Variants in TACR1 observed in about 807,000 individuals in gnomAD.
TACR1 encodes the protein tachykinin receptor 1, also known as substance-P receptor.
A neutral mutation model predicts 35.8 loss-of-function variants in TACR1; 25 were observed. The observed-to-expected ratio is 0.70, with a 90% CI of 0.51 to 0.98. The LOEUF (loss-of-function observed/expected upper bound fraction) is 0.98, where lower values mean the gene tolerates loss of function less well. TACR1 is among the 50% of genes least tolerant of loss of function. TACR1 has a pLI of 0.00. For missense variants in TACR1, 478 were observed against 522.9 expected, an observed-to-expected ratio of 0.91 and a Z score of 0.84; for synonymous variants, 195 against 206.7, an observed-to-expected ratio of 0.94 and a Z score of 0.48.
chr2:75,196,497 G>A (rs1443654971), intron 1 of TACR1, among the ~76,000 whole-genome samples: 4 of 152,100 alleles, frequency 2.6e-5, no homozygotes, highest in Non-Finnish European at 4.4e-5. Context: ...ATTCCCTGTC[G>A]CTGTCATTTC....
chr2:75,149,230 T>A (rs1353589655), intron 1 of TACR1, among the ~76,000 whole-genome samples: 1 of 152,180 alleles, frequency 6.6e-6, no homozygotes, highest in Non-Finnish European at 1.5e-5. Context: ...ACGGGCTCTT[T>A]TTTGGTTCCA....
At chr2:75,071,183 A>T (rs1002378975) in intron 2 of TACR1, among the ~76,000 whole-genome samples, 10 of 151,846 alleles carry the variant, frequency 6.6e-5, no homozygotes, top group South Asian at 2.1e-4. Flanking sequence ...GCCTCTTAGA[A>T]AAATGTGTTG....
At chr2:75,156,396 A>T (rs1312407888) in intron 1 of TACR1, 11 of 150,958 alleles carry the variant, frequency 7.3e-5, no homozygotes, top group African/African-American at 2.7e-4. Flanking sequence ...CGGGCGGATC[A>T]CAAGGTCAGG....
chr2:75,166,266 A>C (rs1675141163), intron 1 of TACR1, among the ~76,000 whole-genome samples: 1 of 152,220 alleles, frequency 6.6e-6, no homozygotes, highest in African/African-American at 2.4e-5. Flanking sequence ...TTTTTGATAA[A>C]ATCTCAGAAA....
At chr2:75,166,998 AT>A (rs1174124042) in intron 1 of TACR1, among the ~76,000 whole-genome samples, 2 of 152,220 alleles carry the variant, frequency 1.3e-5, no homozygotes, top group Non-Finnish European at 2.9e-5. Context: ...CAAACATTGG[AT>A]TTTTAAAAAA....
chr2:75,057,179 T>C (rs1672585487), intron 2 of TACR1, among the ~76,000 whole-genome samples: 1 of 152,144 alleles, frequency 6.6e-6, no homozygotes, highest in African/African-American at 2.4e-5. Context: ...GAAGTGAAAA[T>C]GGTCTGTTCC....
At chr2:75,177,791 AT>A (rs770178700) in intron 1 of TACR1, among the ~76,000 whole-genome samples, 1 of 152,116 alleles carries the variant, frequency 6.6e-6, no homozygotes, top group Non-Finnish European at 1.5e-5. Context: ...ATGTTGACTG[AT>A]TTCTAAATTC....
chr2:75,074,058 G>A (rs1402787467), intron 2 of TACR1, among the ~76,000 whole-genome samples: 1 of 152,106 alleles, frequency 6.6e-6, no homozygotes, highest in Non-Finnish European at 1.5e-5. Context: ...CTGAGATAAA[G>A]CATACATACC....
At position 75,100,296 on chromosome 2, in the gene TACR1, A is replaced by C. The variant is rs558841886; in HGVS notation, c.584+20278T>G. 3.0e-3 allele frequency among the ~76,000 whole-genome samples: 463 copies of C among 152,388 alleles called. 2 individuals are homozygous for C. Among genetic ancestry groups the C allele is most frequent in the Middle Eastern group, 0.017 (5 of 294 alleles). On this transcript the variant is annotated intron_variant, in intron 2 of 4. Transcript: ENST00000305249. ...AGATGATGCATGCAAAGTTCTTGGC[A>C]GAGTGCCTGGAACATCATAGGTGCA...
At chr2:75,077,715 C>T (rs1236459870) in intron 2 of TACR1, among the ~76,000 whole-genome samples, 1 of 152,110 alleles carries the variant, frequency 6.6e-6, no homozygotes, top group African/African-American at 2.4e-5. Context: ...ACAGACCAGC[C>T]CTCCTGTCTT....
intron 1 of TACR1, among the ~76,000 whole-genome samples, chr2:75,164,853 C>G (rs1675101668): frequency 3.9e-5 from 6 of 152,200 alleles, no homozygotes; most frequent in Admixed American, 3.9e-4. Flanking sequence ...TGCTCAGTCC[C>G]AAGTTCCATT....
chr2:75,112,385 G>T (rs1673768983), intron 2 of TACR1, among the ~76,000 whole-genome samples: 1 of 151,860 alleles, frequency 6.6e-6, no homozygotes, highest in Non-Finnish European at 1.5e-5. Flanking sequence ...TTATCAAACT[G>T]CCTAAACGTA....
intron 1 of TACR1, among the ~76,000 whole-genome samples, chr2:75,195,173 A>C (rs1024676283): frequency 6.6e-6 from 1 of 152,194 alleles, no homozygotes; most frequent in South Asian, 2.1e-4. Flanking sequence ...GAAATTATAG[A>C]GTTTCAATAG....
At position 75,078,908 on chromosome 2, in the gene TACR1, A is replaced by G. The variant is rs561181962; in HGVS notation, c.585-25153T>C. 6.6e-4 allele frequency among the ~76,000 whole-genome samples: 100 copies of G among 152,300 alleles called. 1 individual carries two copies. Among genetic ancestry groups the G allele is most frequent in the African/African-American group, 2.3e-3 (95 of 41,570 alleles). On this transcript the variant is annotated intron_variant, in intron 2 of 4. Transcript: ENST00000305249. ...TCCTACTCACTCTCCATCTAGTCACAAATCCTGAAGAGTCTCAGTATTTTA... is the reference window on the plus strand; with the variant it reads ...TCCTACTCACTCTCCATCTAGTCACGAATCCTGAAGAGTCTCAGTATTTTA...
chr2:75,198,609 T>C lies in TACR1; in HGVS notation c.326A>G (p.Asn109Ser), dbSNP rs1485777217. Residue 109 changes from asparagine (N) to serine (S), a missense_variant, in exon 1 of 5, where the codon AAC becomes AGC. Asn to Ser is a conservative substitution (Grantham distance 46, BLOSUM62 1). Transcript: ENST00000305249. ...YYGLFYCKFHNFFPIAAVFAS... is the reference protein window; with the variant it reads ...YYGLFYCKFHSFFPIAAVFAS... The stretch of plus-strand genomic sequence containing the variant: ...GAAGACAGCGGCGATGGGAAAGAAG[T>C]TGTGGAACTTGCAGTAGAACAGGCC... The C allele has an allele frequency of 3.7e-6, 6 of 1,614,154 alleles. No individual in the cohort carries two copies. The highest frequency in any genetic ancestry group is 4.2e-6 in the Non-Finnish European group (5 of 1,180,028).
At chr2:75,080,757 C>A (rs1241407211) in intron 2 of TACR1, among the ~76,000 whole-genome samples, 1 of 152,130 alleles carries the variant, frequency 6.6e-6, no homozygotes, top group Non-Finnish European at 1.5e-5. Flanking sequence ...ATAGAAATAA[C>A]TGGTGTGAAA....
chr2:75,057,991 A>C (rs367700737), intron 2 of TACR1, among the ~76,000 whole-genome samples: 1 of 152,160 alleles, frequency 6.6e-6, no homozygotes, highest in East Asian at 1.9e-4. Flanking sequence ...TTGCTCCCCC[A>C]GGCACTTGAC....
intron 1 of TACR1, among the ~76,000 whole-genome samples, chr2:75,172,534 G>C (rs576348511): frequency 1.3e-5 from 2 of 151,914 alleles, no homozygotes; most frequent in Admixed American, 1.3e-4. Flanking sequence ...CATCTCAGAT[G>C]CCTGAGATGT....
At chr2:75,197,384 A>T (rs774779953) in intron 1 of TACR1, among the ~76,000 whole-genome samples, 26 of 152,178 alleles carry the variant, frequency 1.7e-4, no homozygotes, top group Non-Finnish European at 1.8e-4. Flanking sequence ...ATTTTTTTTG[A>T]AGTTTTCTCC....
Sources: allele counts gnomAD v4.1 joint callset (sites outside exome capture counted in the v4.1 genomes callset), GRCh38; gene constraint gnomAD v4.1.1; transcripts MANE v1.5; gene names NCBI Gene and HGNC (gene_info 2026-07-23, HGNC 2026-07-21).